Variants in WDR64 observed in about 807,000 individuals in gnomAD.
The protein encoded by WDR64 is WD repeat-containing protein 64.
WDR64 carries 112 observed loss-of-function variants against 139.3 expected under a neutral mutation model. The ratio of observed to expected loss-of-function variants is 0.80; its 90% CI spans 0.69 to 0.94. WDR64 has a LOEUF of 0.94. WDR64 is among the 40% of genes least tolerant of loss of function. WDR64 has a pLI of 0.00. For missense variants in WDR64, 1,206 were observed against 1,293.1 expected (o/e 0.93, Z 1.03); for synonymous variants, 444 against 437.7 (o/e 1.01, Z -0.18).
At chr1:241,702,243 A>T (rs973246980) in intron 8 of WDR64, among the ~76,000 whole-genome samples, 3 of 152,158 alleles carry the variant, frequency 2.0e-5, no homozygotes, top group Admixed American at 2.0e-4. Context: ...TCATATTAGA[A>T]AGAGTATAGT....
At chr1:241,767,251 G>T (rs150925827) in intron 16 of WDR64, among the ~76,000 whole-genome samples, 160 of 152,084 alleles carry the variant, frequency 1.1e-3, no homozygotes, top group Middle Eastern at 6.8e-3. Context: ...GGCCAATGTT[G>T]TAGATGCAAT....
chr1:241,662,384 G>A (rs1665864818), intron 2 of WDR64, among the ~76,000 whole-genome samples: 1 of 152,114 alleles, frequency 6.6e-6, no homozygotes, highest in Admixed American at 6.5e-5. Flanking sequence ...AGAATTCAAT[G>A]CCTTGCCGTT....
chr1:241,772,812 G>A lies in WDR64; in HGVS notation c.2311G>A (p.Val771Met). 6.4e-7 allele frequency: 1 copy of A among 1,551,810 alleles called. No homozygotes were observed. The highest frequency in any genetic ancestry group is 1.2e-5 in the South Asian group (1 of 84,050). The change falls in exon 20 of 28, where the codon GTG (valine) becomes ATG (methionine). Residue 771 changes from valine (V) to methionine (M), a missense_variant. Physicochemically the swap from Val to Met is conservative, Grantham distance 21. Transcript: ENST00000437684. ...EVKGEQTDVM[V>M]GKQQPMDKKH... is the part of the protein sequence containing the mutation. ...AATAGGTGAACAAACAGATGTAATG[G>A]TGGGAAAGCAACAGCCAATGGACAA...
intron 1 of WDR64, among the ~76,000 whole-genome samples, chr1:241,655,496 T>C (rs949480185): frequency 6.6e-6 from 1 of 152,194 alleles, no homozygotes; most frequent in Non-Finnish European, 1.5e-5. Context: ...TCCTGGTTTA[T>C]TAGCTCACCT....
At chr1:241,748,966 AAAAAGAAAAG>A (rs554888617) in intron 13 of WDR64, among the ~76,000 whole-genome samples, 2 of 150,526 alleles carry the variant, frequency 1.3e-5, no homozygotes, top group Non-Finnish European at 3.0e-5. Flanking sequence ...AGAAAGAAAG[AAAAAGAAAAG>A]AAAAGAAAAG....
intron 14 of WDR64, among the ~76,000 whole-genome samples, chr1:241,751,373 G>A (rs1669976421): frequency 6.6e-6 from 1 of 152,162 alleles, no homozygotes; most frequent in Non-Finnish European, 1.5e-5. Flanking sequence ...GTGGGCAGGT[G>A]GAAGTTGGAG....
Position 241,661,523 on chromosome 1 carries a change from T to C in WDR64, c.276+863T>C, listed in dbSNP as rs564640103. ...CCATGTTGTATGCATGTTTCTATAA[T>C]GTAGGAAAAGCTGAAAAGCTATCCA... On this transcript the variant is annotated intron_variant, in intron 2 of 27. Transcript: ENST00000437684. 7.2e-5 allele frequency among the ~76,000 whole-genome samples: 11 copies of C among 152,252 alleles called. No individual in the cohort carries two copies. In the South Asian group the frequency reaches 1.7e-3, roughly 23 times the overall value.
chr1:241,659,303 C>T (rs866082734), intron 1 of WDR64, among the ~76,000 whole-genome samples: 2 of 152,176 alleles, frequency 1.3e-5, no homozygotes, highest in Non-Finnish European at 2.9e-5. Context: ...TTTATCCAGT[C>T]TATCATTGAT....
chr1:241,705,120 G>T (rs1188551925), intron 8 of WDR64, among the ~76,000 whole-genome samples: 1 of 152,180 alleles, frequency 6.6e-6, no homozygotes, highest in Non-Finnish European at 1.5e-5. Flanking sequence ...AACGCATCTA[G>T]CTCCCCAGTA....
chr1:241,704,273 C>T lies in WDR64; in HGVS notation c.975-7529C>T, dbSNP rs1280646162. On this transcript the variant is annotated intron_variant, in intron 8 of 27. Coordinates refer to ENST00000437684, the MANE Select transcript of WDR64 (RefSeq NM_001367482.1). Reference sequence around the variant, plus strand: ...TGGTGGACCTGGGCTCAAGTCCAAACACCAAACTGATATCTCAATGCACTG... The same window carrying T: ...TGGTGGACCTGGGCTCAAGTCCAAATACCAAACTGATATCTCAATGCACTG... Among the ~76,000 whole-genome samples the T allele has an allele frequency of 2.6e-5, 4 of 152,162 alleles. No individual in the cohort carries two copies. The East Asian group carries it at 5.8e-4, about 22-fold the overall frequency.
chr1:241,726,869 C>T (rs1668862174), intron 10 of WDR64, among the ~76,000 whole-genome samples: 2 of 149,906 alleles, frequency 1.3e-5, no homozygotes, highest in Non-Finnish European at 3.0e-5. Context: ...AGTAAATATA[C>T]ATTACTTTGT....
In WDR64 at chr1:241,671,309, G is replaced by T. The variant is rs1277598200; in HGVS notation, c.379+133G>T. On this transcript the variant is annotated intron_variant, in intron 3 of 27. Coordinates refer to ENST00000437684, the MANE Select transcript of WDR64 (RefSeq NM_001367482.1). ...CAATACTTTATCACTAGGTGTCGGG[G>T]GTGGTGAGAGTTTCATATGCAGTAT... is the stretch of plus-strand genomic sequence containing the variant. 4 of 633,740 alleles carry T rather than the reference G, an allele frequency of 6.3e-6. 1 individual carries two copies. In the African/African-American group the frequency reaches 7.4e-5, roughly 12 times the overall value. 39.3% of individuals were successfully genotyped at this position (633,740 alleles called of 1,614,324 possible).
intron 10 of WDR64, among the ~76,000 whole-genome samples, chr1:241,734,211 C>T (rs1201068668): frequency 1.3e-5 from 2 of 152,076 alleles, no homozygotes; most frequent in African/African-American, 2.4e-5. Flanking sequence ...CTTGAGCTGT[C>T]CTGCCTTTCC....
chr1:241,722,719 G>T (rs1032514019), intron 9 of WDR64, among the ~76,000 whole-genome samples: 1 of 152,080 alleles, frequency 6.6e-6, no homozygotes, highest in East Asian at 1.9e-4. Flanking sequence ...TGGAGGAAAA[G>T]ACATTTTTAT....
At chr1:241,670,445 C>G (rs776639218) in intron 2 of WDR64, among the ~76,000 whole-genome samples, 1 of 151,694 alleles carries the variant, frequency 6.6e-6, no homozygotes, top group African/African-American at 2.4e-5. Context: ...AGCTGGGGCC[C>G]TGCATGATGA....
rs371866680 is a variant in WDR64 at position 241,723,253 on chromosome 1, A to G, written c.1055-44A>G. 2.5e-6 allele frequency: 4 copies of G among 1,610,242 alleles called. No homozygotes were observed. The African/African-American group carries it at 5.4e-5, about 22-fold the overall frequency. ...AGTGAGAGATACATTTGAAACTCTG[A>G]CCACCTCAGAAAACCAACAATCTTT... On this transcript the variant is annotated intron_variant, in intron 9 of 27. Transcript: ENST00000437684.
rs141878876 is a variant in WDR64 at position 241,694,392 on chromosome 1, A to G, written c.974+6797A>G. On this transcript the variant is annotated intron_variant, in intron 8 of 27. Coordinates refer to ENST00000437684, the MANE Select transcript of WDR64 (RefSeq NM_001367482.1). ...ACAAATTAAAAACCCTTCACAGCAC[A>G]TTAAAAACAGTTTCATTTCTTGACA... is the stretch of plus-strand genomic sequence containing the variant. 6.5e-3 allele frequency among the ~76,000 whole-genome samples: 991 copies of G among 152,310 alleles called. 11 individuals are homozygous for G. Among genetic ancestry groups the G allele is most frequent in the African/African-American group, 0.023 (945 of 41,572 alleles).
chr1:241,661,845 C>G (rs936506402), intron 2 of WDR64, among the ~76,000 whole-genome samples: 2 of 152,206 alleles, frequency 1.3e-5, no homozygotes, highest in Non-Finnish European at 2.9e-5. Context: ...AGACAGCCAC[C>G]TTTGTTGTGA....
At chr1:241,794,053 C>T (rs1018276267) in intron 25 of WDR64, among the ~76,000 whole-genome samples, 6 of 151,830 alleles carry the variant, frequency 4.0e-5, no homozygotes, top group Non-Finnish European at 5.9e-5. Flanking sequence ...TGGTGGCAGG[C>T]GCCTGTAATC....
Sources: allele counts gnomAD v4.1 joint callset (sites outside exome capture counted in the v4.1 genomes callset), GRCh38; gene constraint gnomAD v4.1.1; transcripts MANE v1.5; gene names NCBI Gene and HGNC (gene_info 2026-07-23, HGNC 2026-07-21).